The following PSD3 variants were observed in gnomAD, a reference collection of about 807,000 sequenced individuals.
PSD3 encodes the protein PH and SEC7 domain-containing protein 3.
A neutral mutation model predicts 105.5 loss-of-function variants in PSD3; 49 were observed. The ratio of observed to expected loss-of-function variants is 0.46; its 90% CI spans 0.37 to 0.59. The LOEUF (loss-of-function observed/expected upper bound fraction) is 0.59, where lower values mean the gene tolerates loss of function less well. Ranked by LOEUF, PSD3 falls within the 20% of genes least tolerant of loss-of-function variation. The pLI is 0.00. For missense variants in PSD3, 1,561 were observed against 1,263.8 expected, an observed-to-expected ratio of 1.24 and a Z score of -3.57; for synonymous variants, 557 against 457.8, an observed-to-expected ratio of 1.22 and a Z score of -2.77.
intron 10 of PSD3, among the ~76,000 whole-genome samples, chr8:18,638,277 C>T (rs1425139051): frequency 6.6e-6 from 1 of 151,876 alleles, no homozygotes; most frequent in East Asian, 1.9e-4. Flanking sequence ...CCCACTCTCA[C>T]CACTTTTGTT....
intron 9 of PSD3, among the ~76,000 whole-genome samples, chr8:18,748,984 C>T (rs1390787023): frequency 1.3e-5 from 2 of 152,218 alleles, no homozygotes; most frequent in African/African-American, 4.8e-5. Flanking sequence ...TTCACATTTT[C>T]ATGTGTAACG....
At chr8:18,760,864 T>C (rs1392838742) in intron 9 of PSD3, among the ~76,000 whole-genome samples, 2 of 152,144 alleles carry the variant, frequency 1.3e-5, no homozygotes. Context: ...CTGGACCTGA[T>C]CCTTCAGACC....
intron 9 of PSD3, among the ~76,000 whole-genome samples, chr8:18,722,411 T>C (rs913791921): frequency 6.6e-6 from 1 of 152,330 alleles, no homozygotes; most frequent in African/African-American, 2.4e-5. Flanking sequence ...TCCAGTGCAG[T>C]TGAAAACACT....
chr8:18,781,161 G>A (rs1179748671), intron 8 of PSD3, among the ~76,000 whole-genome samples: 1 of 152,082 alleles, frequency 6.6e-6, no homozygotes, highest in Non-Finnish European at 1.5e-5. Context: ...ATTAACCCCA[G>A]TTCCAAGAAG....
chr8:18,630,290 ACTT>A (rs1423091639), intron 11 of PSD3, among the ~76,000 whole-genome samples: 1 of 151,874 alleles, frequency 6.6e-6, no homozygotes, highest in Non-Finnish European at 1.5e-5. Context: ...TGGCAGAAAA[ACTT>A]CTAGCCTGGT....
At chr8:19,049,223 C>T (rs1828429839) in intron 1 of PSD3, among the ~76,000 whole-genome samples, 2 of 152,096 alleles carry the variant, frequency 1.3e-5, no homozygotes, top group Non-Finnish European at 2.9e-5. Flanking sequence ...ACAAGTCATC[C>T]CATAATAGGC....
intron 14 of PSD3, among the ~76,000 whole-genome samples, chr8:18,566,181 T>G (rs1168130053): frequency 6.6e-6 from 1 of 152,118 alleles, no homozygotes; most frequent in Non-Finnish European, 1.5e-5. Context: ...AAATCTTATC[T>G]TTAGAAACAA....
Position 18,871,858 on chromosome 8 carries a change from C to T in PSD3, c.1006G>A (p.Glu336Lys), listed in dbSNP as rs753704455. The change falls in exon 3 of 16, where the codon GAG becomes AAG. Residue 336 changes from glutamate (E) to lysine (K), a missense_variant. By Grantham distance (56) the Glu-to-Lys change is moderately conservative (BLOSUM62 1). Transcript: ENST00000327040. ...AGATGGCGTGGCACTTTGGAAGACT[C>T]TTTGCTGTCAGGAGAGGCTGTTCTT... ...LQRTASPDSK[E>K]SSKVPRHLIS... The T allele has an allele frequency of 9.9e-6, 16 of 1,614,116 alleles. No individual in the cohort carries two copies. The East Asian group carries it at 3.6e-4, about 36-fold the overall frequency.
chr8:18,560,140 G>C (rs1269614662), intron 14 of PSD3, among the ~76,000 whole-genome samples: 1 of 150,876 alleles, frequency 6.6e-6, no homozygotes, highest in Non-Finnish European at 1.5e-5. Flanking sequence ...AATTATTCCA[G>C]TGCTAGAATC....
At chr8:18,975,177 G>A (rs1824861625) in intron 1 of PSD3, among the ~76,000 whole-genome samples, 1 of 152,056 alleles carries the variant, frequency 6.6e-6, no homozygotes, top group Non-Finnish European at 1.5e-5. Flanking sequence ...TTAAGGAAAA[G>A]GTCTCTGCCT....
At chr8:18,929,252 TAA>T (rs5889835) in intron 2 of PSD3, among the ~76,000 whole-genome samples, 8 of 147,460 alleles carry the variant, frequency 5.4e-5, no homozygotes, top group East Asian at 3.9e-4. Flanking sequence ...ACAACAGTGC[TAA>T]AAAAAAAAAG....
At chr8:18,546,203 G>A (rs1056073534) in intron 15 of PSD3, among the ~76,000 whole-genome samples, 1 of 152,086 alleles carries the variant, frequency 6.6e-6, no homozygotes, top group Non-Finnish European at 1.5e-5. Flanking sequence ...TGCCATGTTC[G>A]CCATGCTGGT....
At chr8:18,575,000 T>A (rs113338668) in intron 13 of PSD3, 128 bp downstream of exon 13, 4 of 889,292 alleles carry the variant, frequency 4.5e-6, no homozygotes, top group Non-Finnish European at 6.4e-6. Flanking sequence ...ATTTCTCTAA[T>A]GTAAGCAGTT....
chr8:18,842,384 T>C (rs183650219), intron 4 of PSD3, among the ~76,000 whole-genome samples: 7 of 152,344 alleles, frequency 4.6e-5, no homozygotes, highest in African/African-American at 1.2e-4. Context: ...GGAAAAACAA[T>C]TTTGGTTCTC....
intron 10 of PSD3, among the ~76,000 whole-genome samples, chr8:18,640,126 G>C (rs1278911396): frequency 6.6e-6 from 1 of 152,160 alleles, no homozygotes; most frequent in East Asian, 1.9e-4. Flanking sequence ...TCTAGTTCTA[G>C]TATTTCATGA....
chr8:18,844,673 G>A (rs1341859008), intron 4 of PSD3, among the ~76,000 whole-genome samples: 1 of 152,150 alleles, frequency 6.6e-6, no homozygotes, highest in Admixed American at 6.5e-5. Context: ...CATTAAATAG[G>A]ATGGATTGCT....
intron 2 of PSD3, among the ~76,000 whole-genome samples, chr8:18,878,872 T>C (rs1468027044): frequency 6.6e-6 from 1 of 152,146 alleles, no homozygotes; most frequent in Non-Finnish European, 1.5e-5. Context: ...TGAAGTGTTT[T>C]AAGAAAATTG....
intron 1 of PSD3, among the ~76,000 whole-genome samples, chr8:19,049,210 G>T (rs1030289944): frequency 5.9e-5 from 9 of 152,112 alleles, no homozygotes; most frequent in Non-Finnish European, 1.0e-4. Context: ...TTTTGAGGAG[G>T]ACACAAGTCA....
intron 14 of PSD3, among the ~76,000 whole-genome samples, chr8:18,571,648 G>A (rs969282184): frequency 6.6e-6 from 1 of 152,098 alleles, no homozygotes; most frequent in Non-Finnish European, 1.5e-5. Flanking sequence ...TGTACAACAG[G>A]CACACAATAC....
Sources: allele counts gnomAD v4.1 joint callset (sites outside exome capture counted in the v4.1 genomes callset), GRCh38; gene constraint gnomAD v4.1.1; transcripts MANE v1.5; gene names NCBI Gene and HGNC (gene_info 2026-07-23, HGNC 2026-07-21).